Variants in CSMD1 observed in about 807,000 individuals in gnomAD.
CSMD1 encodes the protein CUB and sushi domain-containing protein 1.
Under a neutral mutation model 417.5 loss-of-function variants are expected in CSMD1, and 213 were observed. That is an observed-to-expected ratio of 0.51 (90% CI 0.46 to 0.57). The LOEUF (loss-of-function observed/expected upper bound fraction) is 0.57. Among genes scored for constraint, CSMD1 ranks in the 20% least tolerant of loss-of-function variants. The pLI, the probability that CSMD1 is intolerant of heterozygous loss-of-function variation, is 0.00. For missense variants in CSMD1, 6,923 were observed against 4,529.7 expected, an observed-to-expected ratio of 1.53 and a Z score of -15.17; for synonymous variants, 2,862 against 1,736.8, an observed-to-expected ratio of 1.65 and a Z score of -16.11.
intron 2 of CSMD1, among the ~76,000 whole-genome samples, chr8:4,577,853 C>G (rs895874548): frequency 1.3e-5 from 2 of 152,096 alleles, no homozygotes; most frequent in Admixed American, 6.5e-5. Context: ...ACATAGCAGA[C>G]CTCAAGTGAA....
rs191521015 is a variant in CSMD1, at chr8:4,230,438, A to G, written c.415+189515T>C. On this transcript the variant is annotated intron_variant, in intron 3 of 69. Coordinates refer to ENST00000635120, the MANE Select transcript of CSMD1 (RefSeq NM_033225.6). ...TCCAAGGTCTAACCTGTGACTTAAC[A>G]TATTTATTAAATTATATCCCAATCA... Among the ~76,000 whole-genome samples, 232 of 152,318 alleles carry G rather than the reference A, an allele frequency of 1.5e-3. 4 individuals carry two copies. The highest frequency in any genetic ancestry group is 5.1e-3 in the African/African-American group (211 of 41,570).
At chr8:3,710,965 C>T (rs1012306198) in intron 6 of CSMD1, among the ~76,000 whole-genome samples, 3 of 152,142 alleles carry the variant, frequency 2.0e-5, no homozygotes, top group Admixed American at 6.5e-5. Context: ...GAAGCAATGC[C>T]GCCAGCTGTG....
At chr8:3,655,231 G>A (rs1490450976) in intron 7 of CSMD1, among the ~76,000 whole-genome samples, 2 of 152,232 alleles carry the variant, frequency 1.3e-5, no homozygotes, top group Admixed American at 6.5e-5. Flanking sequence ...AAAACGTCAA[G>A]GTTTTGGTTA....
chr8:3,933,314 C>G (rs761794536), intron 5 of CSMD1, among the ~76,000 whole-genome samples: 10 of 152,136 alleles, frequency 6.6e-5, no homozygotes, highest in Non-Finnish European at 1.0e-4. Context: ...TATTTGTTAA[C>G]TGAAGCTTTC....
At chr8:4,418,737 A>G (rs539485418) in intron 3 of CSMD1, among the ~76,000 whole-genome samples, 2 of 152,120 alleles carry the variant, frequency 1.3e-5, no homozygotes, top group Non-Finnish European at 1.5e-5. Flanking sequence ...ACTGAAAGCT[A>G]ATAACATCCA....
chr8:4,865,921 A>C (rs945705547), intron 1 of CSMD1, among the ~76,000 whole-genome samples: 10 of 151,926 alleles, frequency 6.6e-5, no homozygotes, highest in Non-Finnish European at 1.5e-5. Flanking sequence ...AGGAGCTTTC[A>C]TCTTCCTGTG....
intron 1 of CSMD1, among the ~76,000 whole-genome samples, chr8:4,728,516 G>A (rs544847263): frequency 6.6e-6 from 1 of 152,178 alleles, no homozygotes; most frequent in African/African-American, 2.4e-5. Flanking sequence ...TTTACTAGGT[G>A]AAATAAATAA....
At chr8:4,005,061 C>A (rs948943271) in intron 4 of CSMD1, among the ~76,000 whole-genome samples, 5 of 152,142 alleles carry the variant, frequency 3.3e-5, no homozygotes, top group Non-Finnish European at 5.9e-5. Context: ...ATCCTATGTT[C>A]TCACTGATGT....
At chr8:4,267,893 T>C (rs1176697514) in intron 3 of CSMD1, among the ~76,000 whole-genome samples, 1 of 152,130 alleles carries the variant, frequency 6.6e-6, no homozygotes, top group Non-Finnish European at 1.5e-5. Flanking sequence ...TTTTAAACAC[T>C]GTAATGACTG....
intron 3 of CSMD1, among the ~76,000 whole-genome samples, chr8:4,102,121 T>C (rs1801336801): frequency 6.6e-6 from 1 of 152,160 alleles, no homozygotes; most frequent in African/African-American, 2.4e-5. Flanking sequence ...AAATAAGAAA[T>C]ATATAAAAAC....
At chr8:4,534,752 A>G (rs1287112007) in intron 2 of CSMD1, among the ~76,000 whole-genome samples, 1 of 151,444 alleles carries the variant, frequency 6.6e-6, no homozygotes, top group African/African-American at 2.4e-5. Flanking sequence ...TCCACGTACA[A>G]TTTCTTTCTT....
chr8:3,619,022 G>A (rs889420224), intron 7 of CSMD1, among the ~76,000 whole-genome samples: 2 of 152,176 alleles, frequency 1.3e-5, no homozygotes, highest in African/African-American at 4.8e-5. Context: ...GAAAGGCTGT[G>A]ACAAGCACTG....
intron 1 of CSMD1, among the ~76,000 whole-genome samples, chr8:4,822,404 T>C (rs1396913889): frequency 6.6e-6 from 1 of 152,032 alleles, no homozygotes; most frequent in Non-Finnish European, 1.5e-5. Flanking sequence ...AGTTTGATGA[T>C]TTTTTTAAAA....
intron 7 of CSMD1, among the ~76,000 whole-genome samples, chr8:3,669,515 A>G (rs1270315709): frequency 3.3e-5 from 5 of 152,170 alleles, no homozygotes; most frequent in Non-Finnish European, 7.4e-5. Flanking sequence ...TACAAGTCCC[A>G]AGTTAATGAA....
rs79384792 is a variant in CSMD1, at chr8:4,333,702, G to C, written c.415+86251C>G. On this transcript the variant is annotated intron_variant, in intron 3 of 69. Coordinates refer to ENST00000635120, the MANE Select transcript of CSMD1 (RefSeq NM_033225.6). ...CTACGATACCATTTAATGAGAAAGA[G>C]TTGTAGAAAGGACTGCTTACAATGA... 2.1e-4 allele frequency among the ~76,000 whole-genome samples: 32 copies of C among 152,246 alleles called. No individual in the cohort carries two copies. The East Asian group carries it at 6.2e-3, about 30-fold the overall frequency.
At chr8:3,933,776 C>G (rs1368476252) in intron 5 of CSMD1, among the ~76,000 whole-genome samples, 1 of 152,096 alleles carries the variant, frequency 6.6e-6, no homozygotes, top group Admixed American at 6.6e-5. Context: ...ATATATTTTC[C>G]TGCTATATTT....
At chr8:4,640,434 C>T (rs1228880538) in intron 1 of CSMD1, among the ~76,000 whole-genome samples, 1 of 152,080 alleles carries the variant, frequency 6.6e-6, no homozygotes. Context: ...CCTAAATAGC[C>T]AGTGGAACAG....
intron 1 of CSMD1, among the ~76,000 whole-genome samples, chr8:4,670,630 T>C (rs1805236513): frequency 6.6e-6 from 1 of 152,228 alleles, no homozygotes; most frequent in African/African-American, 2.4e-5. Flanking sequence ...AATATCACTA[T>C]GCAAATGTTA....
intron 2 of CSMD1, among the ~76,000 whole-genome samples, chr8:4,481,391 T>A (rs1450867575): frequency 6.6e-6 from 1 of 152,252 alleles, no homozygotes; most frequent in Admixed American, 6.5e-5. Context: ...GACATCTCAA[T>A]GCTAAGGAGA....
Sources: allele counts gnomAD v4.1 joint callset (sites outside exome capture counted in the v4.1 genomes callset), GRCh38; gene constraint gnomAD v4.1.1; transcripts MANE v1.5; gene names NCBI Gene and HGNC (gene_info 2026-07-23, HGNC 2026-07-21).